Variants in AASDHPPT observed in about 807,000 individuals in gnomAD.
AASDHPPT encodes L-aminoadipate-semialdehyde dehydrogenase-phosphopantetheinyl transferase.
Under a neutral mutation model 36.4 loss-of-function variants are expected in AASDHPPT, and 23 were observed. The ratio of observed to expected loss-of-function variants is 0.63; its 90% confidence interval spans 0.45 to 0.89. AASDHPPT has a LOEUF of 0.89. AASDHPPT is among the 40% of genes least tolerant of loss of function. The pLI, the probability that AASDHPPT is intolerant of heterozygous loss-of-function variation, is 0.00. For missense variants in AASDHPPT, 377 were observed against 378.2 expected, an observed-to-expected ratio of 1.00 and a Z score of 0.03; for synonymous variants, 115 against 128.0, an observed-to-expected ratio of 0.90 and a Z score of 0.68.
At chr11:106,086,933 C>A (rs539610190) in intron 2 of AASDHPPT, among the ~76,000 whole-genome samples, 1 of 152,234 alleles carries the variant, frequency 6.6e-6, no homozygotes. Context: ...TAAAAGGCTT[C>A]ATGCTCTGTC....
chr11:106,094,450 A>C, intron 4 of AASDHPPT, 133 bp from the exon 5 acceptor site: 4 of 549,738 alleles, frequency 7.3e-6, no homozygotes, highest in South Asian at 3.7e-5. Context: ...AAATATATAT[A>C]TGCACGCGTG....
chr11:106,079,857 T>A (rs752042815), intron 2 of AASDHPPT, among the ~76,000 whole-genome samples, 165 bp downstream of exon 2: 39 of 152,180 alleles, frequency 2.6e-4, no homozygotes, highest in Admixed American at 1.4e-3. Context: ...AAGGGTATAT[T>A]TCCATGAATA....
At chr11:106,091,277 C>G in intron 3 of AASDHPPT, 39 bp from the exon 4 acceptor site, 1 of 1,549,962 alleles carries the variant, frequency 6.5e-7, no homozygotes, top group Non-Finnish European at 8.7e-7. Context: ...AAATTTTTGT[C>G]CACCAAATTC....
rs777688605 is a variant in AASDHPPT at position 106,091,407 on chromosome 11, A to C, written c.623A>C (p.Asp208Ala). 2.5e-6 allele frequency: 4 copies of C among 1,609,764 alleles called. No individual in the cohort carries two copies. The South Asian group carries it at 3.3e-5, about 13-fold the overall frequency. ...TTTGATCTATCTCCATTAAACTTGG[A>C]TATAGGCCAAGTTTATAAAGAAACA... ...LEFDLSPLNL[D>A]IGQVYKETRL... The change falls in exon 4 of 6, where the codon GAT becomes GCT. Residue 208 changes from aspartate to alanine, a missense_variant. Physicochemically the swap from Asp to Ala is moderately radical, Grantham distance 126. Transcript: ENST00000278618.
chr11:106,089,739 A>G (rs988061141), intron 2 of AASDHPPT, among the ~76,000 whole-genome samples: 2 of 152,020 alleles, frequency 1.3e-5, no homozygotes, highest in Non-Finnish European at 2.9e-5. Context: ...ATTCAGTACC[A>G]GAGGCCTACC....
chr11:106,082,500 A>G lies in AASDHPPT; in HGVS notation c.409+2808A>G, dbSNP rs115881275. Among the ~76,000 whole-genome samples, 1,376 of 152,272 alleles carry G rather than the reference A, an allele frequency of 9.0e-3. 21 individuals are homozygous for G. The highest frequency in any genetic ancestry group is 0.032 in the African/African-American group (1,330 of 41,548). On this transcript the variant is annotated intron_variant, in intron 2 of 5. Transcript: ENST00000278618. ...ACTAGATTGCCAACTCTAAAGACAG[A>G]GTTGGCTTTTGGGGGTTATCATTAG...
intron 4 of AASDHPPT, chr11:106,093,411 C>T (rs1861276575): frequency 6.6e-6 from 1 of 151,988 alleles, no homozygotes; most frequent in African/African-American, 2.4e-5. Context: ...TTTGTACATT[C>T]CAGTTACTTT....
intron 2 of AASDHPPT, among the ~76,000 whole-genome samples, chr11:106,080,548 T>C (rs1861128511): frequency 6.6e-6 from 1 of 152,230 alleles, no homozygotes; most frequent in African/African-American, 2.4e-5. Flanking sequence ...AACTGCTGTA[T>C]ATTTGTCATC....
At chr11:106,086,566 A>G (rs1282785026) in intron 2 of AASDHPPT, among the ~76,000 whole-genome samples, 1 of 152,146 alleles carries the variant, frequency 6.6e-6, no homozygotes, top group Non-Finnish European at 1.5e-5. Context: ...ATTTATATCC[A>G]TCTAACATAC....
intron 5 of AASDHPPT, among the ~76,000 whole-genome samples, chr11:106,095,250 C>G (rs746988677): frequency 6.6e-6 from 1 of 152,102 alleles, no homozygotes; most frequent in Non-Finnish European, 1.5e-5. Flanking sequence ...TCTTAGTCAT[C>G]TTAACAGTAG....
intron 2 of AASDHPPT, among the ~76,000 whole-genome samples, chr11:106,085,259 G>A (rs929724489): frequency 2.0e-5 from 3 of 151,980 alleles, no homozygotes; most frequent in Admixed American, 6.6e-5. Context: ...TTGCCACGAC[G>A]CCCGGCTAAT....
chr11:106,092,840 G>A (rs1324915033), intron 4 of AASDHPPT: 1 of 152,098 alleles, frequency 6.6e-6, no homozygotes, highest in Non-Finnish European at 1.5e-5. Context: ...TGTGTTAGAT[G>A]ATTTCGCCCA....
At chr11:106,080,014 A>T (rs1349863627) in intron 2 of AASDHPPT, among the ~76,000 whole-genome samples, 1 of 152,154 alleles carries the variant, frequency 6.6e-6, no homozygotes, top group Non-Finnish European at 1.5e-5. Flanking sequence ...TTTTCAGTTA[A>T]TTGTTTGTTT....
At chr11:106,087,442 T>C (rs1861208238) in intron 2 of AASDHPPT, among the ~76,000 whole-genome samples, 1 of 152,194 alleles carries the variant, frequency 6.6e-6, no homozygotes, top group African/African-American at 2.4e-5. Context: ...TAATATGATT[T>C]ATTATCTAAG....
intron 5 of AASDHPPT, 77 bp downstream of exon 5, chr11:106,094,731 C>T (rs1292743330): frequency 3.5e-6 from 4 of 1,145,040 alleles, no homozygotes; most frequent in Non-Finnish European, 5.0e-6. Context: ...TGGAAATAGT[C>T]ATTTGCCTTA....
In AASDHPPT at chr11:106,079,085, A is replaced by T. The variant is rs527917320; in HGVS notation, c.184-382A>T. On this transcript the variant is annotated intron_variant, in intron 1 of 5. Coordinates refer to ENST00000278618, the MANE Select transcript of AASDHPPT (RefSeq NM_015423.3). The stretch of plus-strand genomic sequence containing the variant: ...GCATGGACCAGACGTGTGTGTACAG[A>T]CATAAAATACTTCCCAATACTTATA... 7.9e-5 allele frequency among the ~76,000 whole-genome samples: 12 copies of T among 152,368 alleles called. No homozygotes were observed. In the South Asian group the frequency reaches 2.3e-3, roughly 29 times the overall value.
chr11:106,087,715 AT>A (rs1476294265), intron 2 of AASDHPPT, among the ~76,000 whole-genome samples: 2 of 152,176 alleles, frequency 1.3e-5, no homozygotes, highest in African/African-American at 4.8e-5. Context: ...TGTGTTTAAA[AT>A]AAAACATTAG....
chr11:106,091,463 G>T lies in AASDHPPT; in HGVS notation c.679G>T (p.Glu227Ter). The change falls in exon 4 of 6, where the codon GAA becomes TAA. Residue 227 changes from glutamate to a stop codon, truncating the protein, a stop_gained. Transcript: ENST00000278618. LOFTEE classifies it high-confidence loss of function. ...RLFLDGEEEK[E>*]WAFEESKIDE... Reference sequence around the variant, plus strand: ...ATTCCTGGATGGAGAGGAAGAAAAAGAATGGGCATTTGAGGTAAGAAATTT... The same window carrying T: ...ATTCCTGGATGGAGAGGAAGAAAAATAATGGGCATTTGAGGTAAGAAATTT... The T allele has an allele frequency of 1.3e-6, 2 of 1,580,290 alleles. No individual in the cohort carries two copies. Among genetic ancestry groups the T allele is most frequent in the South Asian group, 2.4e-5 (2 of 84,950 alleles).
In AASDHPPT at chr11:106,079,576, C is replaced by T. The variant is rs748751438; in HGVS notation, c.293C>T (p.Ser98Leu). 8.1e-6 allele frequency: 13 copies of T among 1,614,144 alleles called. No homozygotes were observed. Among genetic ancestry groups the T allele is most frequent in the Non-Finnish European group, 5.1e-6 (6 of 1,179,976 alleles). Residue 98 changes from serine to leucine, a missense_variant, in exon 2 of 6, where the codon TCA (serine) becomes TTA (leucine). By Grantham distance (145) the Ser-to-Leu change is moderately radical. Transcript: ENST00000278618. ...GGAAAACCAGTTCTTGCAAAGGACT[C>T]ATCGAATCCTTACCCGAATTTCAAC... is the stretch of plus-strand genomic sequence containing the variant. ...AKGKPVLAKD[S>L]SNPYPNFNFN...
Sources: allele counts gnomAD v4.1 joint callset (sites outside exome capture counted in the v4.1 genomes callset), GRCh38; gene constraint gnomAD v4.1.1; transcripts MANE v1.5; gene names NCBI Gene and HGNC (gene_info 2026-07-23, HGNC 2026-07-21).